Variants in KIF26B observed in about 807,000 individuals in gnomAD.
The protein encoded by KIF26B is kinesin-like protein KIF26B.
KIF26B carries 63 observed loss-of-function variants against 151.2 expected under a neutral mutation model. The observed-to-expected ratio is 0.42, with a 90% CI of 0.34 to 0.51. The LOEUF (loss-of-function observed/expected upper bound fraction) is 0.51. Among genes scored for constraint, KIF26B ranks in the 20% least tolerant of loss-of-function variants. The probability of loss-of-function intolerance (pLI) is 0.07; values close to 1 mark genes in which losing one functional copy is unlikely to be tolerated. For synonymous variants in KIF26B, 1,357 were observed against 1,262.1 expected, an observed-to-expected ratio of 1.08 and a Z score of -1.59; for missense variants, 2,813 against 2,913.6, an observed-to-expected ratio of 0.97 and a Z score of 0.79.
At chr1:245,665,777 C>T (rs565617146) in intron 10 of KIF26B, among the ~76,000 whole-genome samples, 9 of 152,046 alleles carry the variant, frequency 5.9e-5, no homozygotes, top group Admixed American at 3.9e-4. Context: ...CTCCGCTTCC[C>T]GAGTTCAAGT....
At chr1:245,445,490 G>A (rs1028006932) in intron 4 of KIF26B, among the ~76,000 whole-genome samples, 2 of 152,228 alleles carry the variant, frequency 1.3e-5, no homozygotes, top group African/African-American at 4.8e-5. Flanking sequence ...GTGTGTATGT[G>A]TGTGTATGCA....
chr1:245,580,542 A>G (rs1390342154), intron 5 of KIF26B, among the ~76,000 whole-genome samples: 1 of 152,124 alleles, frequency 6.6e-6, no homozygotes, highest in Non-Finnish European at 1.5e-5. Flanking sequence ...TGTTGGGGGG[A>G]CAGAGGAAAG....
At chr1:245,368,332 G>A (rs927936899) in intron 3 of KIF26B, among the ~76,000 whole-genome samples, 2 of 152,184 alleles carry the variant, frequency 1.3e-5, no homozygotes, top group African/African-American at 2.4e-5. Flanking sequence ...TGAGTTTTCT[G>A]TTGGATGAGG....
intron 4 of KIF26B, among the ~76,000 whole-genome samples, chr1:245,491,862 C>T (rs1222882767): frequency 6.6e-6 from 1 of 152,022 alleles, no homozygotes; most frequent in East Asian, 1.9e-4. Flanking sequence ...GAGCCAGGAT[C>T]CTTCCACTGC....
At chr1:245,677,594 G>A (rs1212338933) in intron 10 of KIF26B, among the ~76,000 whole-genome samples, 2 of 152,266 alleles carry the variant, frequency 1.3e-5, no homozygotes, top group African/African-American at 4.8e-5. Context: ...CCCAAAGCAA[G>A]TAATTCATGC....
At chr1:245,507,305 G>A (rs758157467) in intron 4 of KIF26B, among the ~76,000 whole-genome samples, 20 of 152,166 alleles carry the variant, frequency 1.3e-4, no homozygotes, top group Non-Finnish European at 2.4e-4. Flanking sequence ...GATGTTTACT[G>A]GAAATCCACA....
intron 10 of KIF26B, among the ~76,000 whole-genome samples, chr1:245,665,480 C>T (rs75840848): frequency 0.012 from 1,863 of 152,166 alleles, 40 homozygotes; most frequent in African/African-American, 0.043. Context: ...AAGAGAGAAC[C>T]GCACACTCTA....
At chr1:245,609,169 G>A (rs1376807638) in intron 7 of KIF26B, 97 bp from the exon 8 acceptor site, 9 of 1,144,754 alleles carry the variant, frequency 7.9e-6, no homozygotes, top group Middle Eastern at 2.1e-4. Context: ...CCCCTTCCCT[G>A]TGCCTTTCTT....
In KIF26B at chr1:245,239,145, GAGGCCC is replaced by G. The variant is rs1227445184; in HGVS notation, c.465+82466_465+82471del. ...CCTCTCAGAATGGCCTGTGTAGTGGGAGGCCCAGGACATTTAGTGGAAGATGGACAT... is the reference window on the plus strand; with the variant it reads ...CCTCTCAGAATGGCCTGTGTAGTGGGAGGACATTTAGTGGAAGATGGACAT... On this transcript the variant is annotated intron_variant, in intron 2 of 14. Transcript: ENST00000407071. This position sits in a 1 kb window ranked among gnomAD's most constrained non-coding sequence, Gnocchi z 4.3. Among the ~76,000 whole-genome samples the G allele has an allele frequency of 6.6e-6, 1 of 152,100 alleles. No homozygotes were observed. The highest frequency in any genetic ancestry group is 1.5e-5 in the Non-Finnish European group (1 of 68,022).
rs1418344939 is a variant in KIF26B, at chr1:245,606,701, C to T, written c.1558-950C>T. On this transcript the variant is annotated intron_variant, in intron 6 of 14. Coordinates refer to ENST00000407071, the MANE Select transcript of KIF26B (RefSeq NM_018012.4). The surrounding 1 kb of genome is among the most constrained non-coding windows in gnomAD (Gnocchi z 4.6). ...GGCCAAAGAACACCTAATAACATAC[C>T]ATGTGGTGACTGATACTCTATATGT... 6.6e-6 allele frequency among the ~76,000 whole-genome samples: 1 copy of T among 152,134 alleles called. No individual in the cohort carries two copies. The highest frequency in any genetic ancestry group is 1.9e-4 in the East Asian group (1 of 5,196).
At chr1:245,187,611 G>GTTCTTGTCT (rs1156850991) in intron 2 of KIF26B, among the ~76,000 whole-genome samples, 1 of 152,192 alleles carries the variant, frequency 6.6e-6, no homozygotes, top group African/African-American at 2.4e-5. Context: ...GAAGGTTCAG[G>GTTCTTGTCT]TTCTTGTCTT....
intron 3 of KIF26B, among the ~76,000 whole-genome samples, chr1:245,382,749 G>C (rs1480741344): frequency 1.3e-5 from 2 of 151,876 alleles, no homozygotes; most frequent in Non-Finnish European, 2.9e-5. Context: ...TGTATTTTTA[G>C]TACAGACGGG....
chr1:245,660,578 T>C (rs1449611063), intron 10 of KIF26B, among the ~76,000 whole-genome samples: 1 of 152,144 alleles, frequency 6.6e-6, no homozygotes, highest in East Asian at 2.0e-4. Flanking sequence ...TGAGCTCAAG[T>C]GATCCTCCCA....
intron 3 of KIF26B, among the ~76,000 whole-genome samples, chr1:245,417,677 C>T (rs1328141787): frequency 6.6e-6 from 1 of 152,180 alleles, no homozygotes; most frequent in Non-Finnish European, 1.5e-5. Flanking sequence ...TTCATTTGCC[C>T]AGAGACATTT....
intron 4 of KIF26B, among the ~76,000 whole-genome samples, chr1:245,532,491 T>C (rs187712883): frequency 2.0e-3 from 300 of 152,094 alleles, no homozygotes; most frequent in African/African-American, 6.7e-3. Context: ...GTGATCCGCC[T>C]GCCTCGGCCT....
chr1:245,639,230 T>A (rs1051072714), intron 9 of KIF26B, among the ~76,000 whole-genome samples: 1 of 151,866 alleles, frequency 6.6e-6, no homozygotes, highest in African/African-American at 2.4e-5. Flanking sequence ...AATTTTTCCA[T>A]TTTTTCCTAG....
chr1:245,209,876 G>A (rs995067741), intron 2 of KIF26B, among the ~76,000 whole-genome samples: 4 of 152,252 alleles, frequency 2.6e-5, no homozygotes, highest in African/African-American at 9.6e-5. Context: ...TCAGCTGCGG[G>A]TGGCACGCTC....
intron 2 of KIF26B, among the ~76,000 whole-genome samples, chr1:245,305,936 CAAAAAAA>C (rs55865379): frequency 5.8e-5 from 5 of 86,702 alleles, no homozygotes; most frequent in Admixed American, 1.5e-4. Context: ...GACGACTCCT[CAAAAAAA>C]AAAAAAAAAA....
chr1:245,427,209 G>A (rs1192382215), intron 4 of KIF26B, among the ~76,000 whole-genome samples: 3 of 152,190 alleles, frequency 2.0e-5, no homozygotes, highest in South Asian at 4.1e-4. Flanking sequence ...ACTCCTAGGC[G>A]TCAATTGACT....
Sources: allele counts gnomAD v4.1 joint callset (sites outside exome capture counted in the v4.1 genomes callset), GRCh38; gene constraint gnomAD v4.1.1; non-coding constraint Gnocchi (gnomAD v3.1); transcripts MANE v1.5; gene names NCBI Gene and HGNC (gene_info 2026-07-23, HGNC 2026-07-21).